The following HDHD5 variants were observed in gnomAD, a reference collection of about 807,000 sequenced individuals.
HDHD5 encodes the protein haloacid dehalogenase like hydrolase domain containing 5, also known as haloacid dehalogenase-like hydrolase domain-containing 5.
Under a neutral mutation model 35.5 loss-of-function variants are expected in HDHD5, and 34 were observed. The ratio of observed to expected loss-of-function variants is 0.96; its 90% CI spans 0.73 to 1.28. The LOEUF is 1.28. Ranked by LOEUF, HDHD5 falls within the 50% of genes most tolerant of loss-of-function variation. The probability of loss-of-function intolerance (pLI) is 0.00; values close to 1 mark genes in which losing one functional copy is unlikely to be tolerated. For synonymous variants in HDHD5, 248 were observed against 240.6 expected (o/e 1.03, Z -0.29); for missense variants, 589 against 560.2 (o/e 1.05, Z -0.52).
chr22:17,138,143 GAGGCTCCCCTCCTCCAAGGAC>G lies in HDHD5; in HGVS notation c.1129_1149del (p.Val377_Pro383del), dbSNP rs1228383680. 9 of 1,614,068 alleles carry G rather than the reference GAGGCTCCCCTCCTCCAAGGAC, an allele frequency of 5.6e-6. No individual in the cohort carries two copies. The highest frequency in any genetic ancestry group is 7.6e-6 in the Non-Finnish European group (9 of 1,180,038). Reference sequence around the variant, plus strand: ...CATAAGTCTCGGTGCCCGTGGAATGGAGGCTCCCCTCCTCCAAGGACAGGCTCCGTGGACTGTGGGTTCCTG... The same window carrying G: ...CATAAGTCTCGGTGCCCGTGGAATGGAGGCTCCGTGGACTGTGGGTTCCTG... On this transcript the variant is annotated inframe_deletion, in exon 8 of 8. Coordinates refer to ENST00000336737, the MANE Select transcript of HDHD5 (RefSeq NM_033070.3).
At chr22:17,149,150 C>A (rs1349364976) in intron 2 of HDHD5, among the ~76,000 whole-genome samples, 4 of 152,164 alleles carry the variant, frequency 2.6e-5, no homozygotes, top group Admixed American at 1.3e-4. Flanking sequence ...TCACCCTCAA[C>A]AAACAAGAAT....
intron 1 of HDHD5, among the ~76,000 whole-genome samples, chr22:17,156,637 G>A (rs1485094311): frequency 4.6e-5 from 7 of 152,164 alleles, no homozygotes; most frequent in African/African-American, 1.7e-4. Flanking sequence ...TTAGCCAGGC[G>A]TGGTGGCAGG....
At chr22:17,144,327 G>A (rs1226068845) in intron 4 of HDHD5, among the ~76,000 whole-genome samples, 3 of 151,390 alleles carry the variant, frequency 2.0e-5, no homozygotes, top group African/African-American at 7.3e-5. Flanking sequence ...ACAGCTCACT[G>A]CAGCCTCCAA....
rs752823962 is a variant in HDHD5, at chr22:17,141,139, C to A, written c.666G>T (p.Leu222=). 3 of 1,594,026 alleles carry A rather than the reference C, an allele frequency of 1.9e-6. 1 individual carries two copies. The stretch of plus-strand genomic sequence containing the variant: ...GGAGGTGGGGGTAGGGGGGTGTTGC[C>A]AGGCCAGCCCCAGGGCTCCCATTGC... The part of the protein sequence containing the change: ...LLSNGSPGAG[L]ATPPYPHLPV... Residue 222 remains leucine, a synonymous_variant, in exon 6 of 8, where the codon CTG becomes CTT. Coordinates refer to ENST00000336737, the MANE Select transcript of HDHD5 (RefSeq NM_033070.3).
At chr22:17,164,642 C>G (rs764919914) in intron 1 of HDHD5, among the ~76,000 whole-genome samples, 51 of 152,198 alleles carry the variant, frequency 3.4e-4, no homozygotes, top group Non-Finnish European at 5.6e-4. Context: ...CATTTCCCTA[C>G]AGGTGCACTT....
chr22:17,160,836 C>T (rs551400590), upstream of HDHD5, among the ~76,000 whole-genome samples: 82 of 152,266 alleles, frequency 5.4e-4, no homozygotes, highest in African/African-American at 1.8e-3. Flanking sequence ...GGACATAGCT[C>T]TCTAGGATTG....
At position 17,138,688 on chromosome 22, in the gene HDHD5, A is replaced by G; in HGVS notation, c.797T>C (p.Val266Ala). 2 of 1,614,184 alleles carry G rather than the reference A, an allele frequency of 1.2e-6. No homozygotes were observed. The highest frequency in any genetic ancestry group is 1.7e-6 in the Non-Finnish European group (2 of 1,180,036). Residue 266 changes from valine to alanine, a missense_variant, in exon 7 of 8, where the codon GTG becomes GCG. Transcript: ENST00000336737. ...CTCGTATCTCAGCTCCTTGCCCGTCACTTTCTGGTAAATGGTTTCCAGGCA... is the reference window on the plus strand; with the variant it reads ...CTCGTATCTCAGCTCCTTGCCCGTCGCTTTCTGGTAAATGGTTTCCAGGCA... ...LLCLETIYQK[V>A]TGKELRYEGL... is the part of the protein sequence containing the mutation.
chr22:17,147,259 G>A (rs113113004), intron 3 of HDHD5, among the ~76,000 whole-genome samples: 1 of 27,052 alleles, frequency 3.7e-5, no homozygotes, highest in Admixed American at 4.2e-4. Context: ...ACCGGCCTTC[G>A]ATCACACGCC....
chr22:17,157,962 T>C (rs1365573122), intron 1 of HDHD5, among the ~76,000 whole-genome samples: 1 of 152,222 alleles, frequency 6.6e-6, no homozygotes, highest in African/African-American at 2.4e-5. Context: ...ATAAAGATTA[T>C]ACGAATAACT....
rs760047883 is a variant in HDHD5, at chr22:17,141,216, C to G, written c.589G>C (p.Glu197Gln). 2 of 1,595,188 alleles carry G rather than the reference C, an allele frequency of 1.3e-6. No individual in the cohort carries two copies. Among genetic ancestry groups the G allele is most frequent in the South Asian group, 1.1e-5 (1 of 88,384 alleles). The change falls in exon 6 of 8, where the codon GAG (glutamate) becomes CAG (glutamine). Residue 197 changes from glutamate (E) to glutamine (Q), a missense_variant. Transcript: ENST00000336737. Reference sequence around the variant, plus strand: ...AGGCTGGTCTCCCAGCGGACCGGCTCCCCTAGGAGGAGCACCCCTTTAAAG... The same window carrying G: ...AGGCTGGTCTCCCAGCGGACCGGCTGCCCTAGGAGGAGCACCCCTTTAAAG... ...PRIEGVLLLG[E>Q]PVRWETSLQL...
At chr22:17,161,245 CAAAAA>C (rs574657476), upstream of HDHD5, among the ~76,000 whole-genome samples, 1 of 105,342 alleles carries the variant, frequency 9.5e-6, no homozygotes. Flanking sequence ...GACTCTATCT[CAAAAA>C]AAAAAAAAAA....
chr22:17,139,068 G>A (rs144914514), intron 6 of HDHD5, among the ~76,000 whole-genome samples: 38 of 152,312 alleles, frequency 2.5e-4, no homozygotes, highest in African/African-American at 8.7e-4. Context: ...CTACGGTTGC[G>A]CTTCTCCCCT....
intron 1 of HDHD5, chr22:17,158,832 A>C: frequency 2.3e-5 from 5 of 215,238 alleles, no homozygotes; most frequent in East Asian, 9.6e-5. Flanking sequence ...CGCGCAGGGA[A>C]AACAGGGACG....
rs1477678736 is a variant in HDHD5, at chr22:17,137,683, A to G, written c.*338T>C. ...GCAAAGGCTCTGCACAGACATCCAC[A>G]GTATTCCACACTGCCTCCCCCATTT... On this transcript the variant is annotated 3_prime_UTR_variant, in exon 8 of 8. Coordinates refer to ENST00000336737, the MANE Select transcript of HDHD5 (RefSeq NM_033070.3). The G allele has an allele frequency of 4.0e-5, 11 of 274,492 alleles. No homozygotes were observed. The highest frequency in any genetic ancestry group is 1.4e-5 in the Non-Finnish European group (2 of 144,866). 17.0% of individuals were successfully genotyped at this position (274,492 alleles called of 1,614,324 possible).
intron 1 of HDHD5, chr22:17,158,475 C>G (rs1204739938): frequency 6.6e-6 from 1 of 152,260 alleles, no homozygotes; most frequent in Non-Finnish European, 1.5e-5. Flanking sequence ...GTGTCCTGTG[C>G]CGTCTCCCAG....
upstream of HDHD5, chr22:17,159,638 G>T: frequency 2.6e-6 from 1 of 384,284 alleles, no homozygotes; most frequent in South Asian, 1.8e-5. Flanking sequence ...CTTCAGGGCC[G>T]GGCCGCTGGG....
chr22:17,162,992 C>T (rs1341217603), upstream of HDHD5, among the ~76,000 whole-genome samples: 1 of 152,216 alleles, frequency 6.6e-6, no homozygotes, highest in African/African-American at 2.4e-5. Context: ...ACGACACAAT[C>T]ACATTAAGAT....
chr22:17,154,945 A>G (rs2061769899), intron 1 of HDHD5, among the ~76,000 whole-genome samples: 1 of 152,080 alleles, frequency 6.6e-6, no homozygotes, highest in South Asian at 2.1e-4. Flanking sequence ...TATTTTTCTT[A>G]GAGGTACACA....
Position 17,143,105 on chromosome 22 carries a change from G to A in HDHD5, c.564C>T (p.Arg188=), listed in dbSNP as rs1309270794. The change falls in exon 5 of 8, where the codon CGC becomes CGT. Residue 188 remains arginine (R), a synonymous_variant. Transcript: ENST00000336737. ...AAAGAGGACCTCTCTTACCTTCAAT[G>A]CGGGGGAAGTCATTCCTCGGGAGGG... ...TTPLPRNDFP[R]IEGVLLLGEP... 6.2e-7 allele frequency: 1 copy of A among 1,610,428 alleles called. No homozygotes were observed. The highest frequency in any genetic ancestry group is 8.5e-7 in the Non-Finnish European group (1 of 1,178,568).
Sources: gnomAD v4.1 joint callset for allele counts (sites outside exome capture counted in the v4.1 genomes callset) on GRCh38, gnomAD v4.1.1 for gene constraint, MANE v1.5 for transcripts, NCBI Gene and HGNC (gene_info 2026-07-23, HGNC 2026-07-21) for gene names.